The following SHANK2 variants were observed in gnomAD, a reference collection of about 807,000 sequenced individuals.
SHANK2 encodes SH3 and multiple ankyrin repeat domains 2.
In SHANK2, 43 loss-of-function variants were observed where a neutral mutation model predicts 133.7. That is an observed-to-expected ratio of 0.32 (90% CI 0.25 to 0.41). The LOEUF is 0.41. SHANK2 is among the 10% of genes least tolerant of loss of function. SHANK2 has a pLI of 1.00. For missense variants in SHANK2, 1,994 were observed against 2,235.8 expected, an observed-to-expected ratio of 0.89 and a Z score of 2.18; for synonymous variants, 1,017 against 952.8, an observed-to-expected ratio of 1.07 and a Z score of -1.24.
chr11:71,057,828 C>A (rs1259233440), intron 9 of SHANK2, among the ~76,000 whole-genome samples: 2 of 150,798 alleles, frequency 1.3e-5, no homozygotes, highest in African/African-American at 4.9e-5. Flanking sequence ...GGATTATAGG[C>A]GTGAACCACC....
intron 14 of SHANK2, among the ~76,000 whole-genome samples, chr11:70,797,890 G>C (rs933856781): frequency 1.8e-4 from 27 of 149,416 alleles, no homozygotes; most frequent in African/African-American, 6.0e-4. Flanking sequence ...TTTTATATAA[G>C]TGGTCTCCTC....
intron 14 of SHANK2, among the ~76,000 whole-genome samples, chr11:70,773,179 C>T (rs1555043242): frequency 6.6e-6 from 1 of 152,194 alleles, no homozygotes; most frequent in East Asian, 1.9e-4. Flanking sequence ...GGCCTGGATG[C>T]CAGTGCACCG....
chr11:70,952,035 T>G (rs1950852259), intron 10 of SHANK2, among the ~76,000 whole-genome samples: 1 of 152,220 alleles, frequency 6.6e-6, no homozygotes, highest in South Asian at 2.1e-4. Context: ...TAGATAGACA[T>G]GAATTTACGG....
intron 3 of SHANK2, among the ~76,000 whole-genome samples, chr11:71,129,466 G>A (rs1210574597): frequency 2.6e-5 from 4 of 152,136 alleles, no homozygotes; most frequent in African/African-American, 4.8e-5. Context: ...TAGGGAAACC[G>A]TCTCTACGAA....
chr11:70,682,119 A>G (rs1005119405), intron 15 of SHANK2, among the ~76,000 whole-genome samples: 12 of 152,200 alleles, frequency 7.9e-5, no homozygotes, highest in African/African-American at 2.7e-4. Flanking sequence ...GCCAGGTTCC[A>G]GGACTGATCC....
At chr11:70,502,731 GCCCGCCCCCA>G in intron 18 of SHANK2, 55 bp downstream of exon 18, 1 of 700,462 alleles carries the variant, frequency 1.4e-6, no homozygotes, top group Non-Finnish European at 2.1e-6. Context: ...CAGCTGTCCT[GCCCGCCCCCA>G]CCCCCCCCCC....
At chr11:71,104,015 C>T (rs782040475) in intron 6 of SHANK2, among the ~76,000 whole-genome samples, 10 of 152,054 alleles carry the variant, frequency 6.6e-5, no homozygotes, top group Non-Finnish European at 1.3e-4. Context: ...TGAGGCCTCC[C>T]CAGAAGCAGA....
chr11:71,124,804 C>A (rs1302102181), intron 3 of SHANK2, among the ~76,000 whole-genome samples: 10 of 152,210 alleles, frequency 6.6e-5, no homozygotes, highest in Admixed American at 5.9e-4. Context: ...CTTTATTGAG[C>A]TTCACAGAGA....
chr11:71,064,993 G>A (rs957768180), intron 9 of SHANK2, among the ~76,000 whole-genome samples: 4 of 152,140 alleles, frequency 2.6e-5, no homozygotes, highest in African/African-American at 4.8e-5. Context: ...AGGTCACCTC[G>A]GGAGTCACTG....
Position 70,502,800 on chromosome 11 carries a change from C to T in SHANK2, c.2193G>A (p.Lys731=). 1 of 1,395,214 alleles carries T rather than the reference C, an allele frequency of 7.2e-7. No individual in the cohort carries two copies. The highest frequency in any genetic ancestry group is 1.6e-5 in the African/African-American group (1 of 60,816). The allele number at this position is 1,395,214 out of a possible 1,614,324, so 86.4% of individuals were successfully genotyped here. The part of the protein sequence containing the change: ...RNLDPDDTAR[K]KAPPPPKRAP... ...TGGGCGATGTGGGGCATGTACCTTT[C>T]TTCCTGGCGGTGTCGTCGGGGTCCA... Residue 731 remains lysine, a synonymous_variant, in exon 18 of 26, where the codon AAG becomes AAA. Coordinates refer to ENST00000601538, the MANE Select transcript of SHANK2 (RefSeq NM_012309.5).
intron 14 of SHANK2, among the ~76,000 whole-genome samples, chr11:70,755,774 G>C (rs1392593505): frequency 6.6e-6 from 1 of 152,238 alleles, no homozygotes; most frequent in Admixed American, 6.5e-5. Flanking sequence ...CAAGAGGGAA[G>C]ACACCGCGCC....
chr11:70,644,556 G>A (rs1404053693), intron 17 of SHANK2, among the ~76,000 whole-genome samples: 1 of 152,246 alleles, frequency 6.6e-6, no homozygotes, highest in African/African-American at 2.4e-5. Context: ...CCCCGGCCAA[G>A]GGCAGGACCA....
chr11:71,170,764 C>T (rs576744941), intron 2 of SHANK2, among the ~76,000 whole-genome samples: 5 of 152,172 alleles, frequency 3.3e-5, no homozygotes, highest in Non-Finnish European at 4.4e-5. Flanking sequence ...GGAGCTGGGA[C>T]GCTCCCAGGT....
rs183196098 is a variant in SHANK2 at position 70,473,504 on chromosome 11, G to A, written c.4980-65C>T. 3 of 1,536,936 alleles carry A rather than the reference G, an allele frequency of 2.0e-6. No homozygotes were observed. In the East Asian group the frequency reaches 6.8e-5, roughly 35 times the overall value. On this transcript the variant is annotated intron_variant, in intron 25 of 25. Coordinates refer to ENST00000601538, the MANE Select transcript of SHANK2 (RefSeq NM_012309.5). This position sits in a 1 kb window ranked among gnomAD's most constrained non-coding sequence, Gnocchi z 5.9. ...CACCGAGTCAGGGCAGCTGGCTGCA[G>A]ATCACCCAGGAAGGCGAGGGAGACG...
chr11:71,165,840 C>T (rs1953133917), intron 2 of SHANK2, among the ~76,000 whole-genome samples: 1 of 152,166 alleles, frequency 6.6e-6, no homozygotes, highest in Non-Finnish European at 1.5e-5. Context: ...CGCTTCCCGG[C>T]TGATCTCACA....
intron 10 of SHANK2, among the ~76,000 whole-genome samples, chr11:70,920,725 G>T (rs1950338004): frequency 6.6e-6 from 1 of 152,210 alleles, no homozygotes; most frequent in South Asian, 2.1e-4. Flanking sequence ...GCAGAGTATT[G>T]CTGGTAAGTG....
intron 17 of SHANK2, among the ~76,000 whole-genome samples, chr11:70,513,856 G>C (rs1295830974): frequency 1.3e-5 from 2 of 152,076 alleles, no homozygotes; most frequent in African/African-American, 4.8e-5. Context: ...GTAGAACAGA[G>C]AGTATTAAGG....
intron 14 of SHANK2, among the ~76,000 whole-genome samples, chr11:70,735,382 C>T (rs1555033271): frequency 6.6e-6 from 1 of 152,098 alleles, no homozygotes; most frequent in South Asian, 2.1e-4. Context: ...TCCTGGGGTC[C>T]CGCAAGCCAG....
chr11:71,075,620 G>A (rs1191679990), intron 8 of SHANK2, among the ~76,000 whole-genome samples: 1 of 152,202 alleles, frequency 6.6e-6, no homozygotes, highest in African/African-American at 2.4e-5. Flanking sequence ...CCCATCCTCA[G>A]TGCCCAGCTC....
Sources: allele counts gnomAD v4.1 joint callset (sites outside exome capture counted in the v4.1 genomes callset), GRCh38; gene constraint gnomAD v4.1.1; non-coding constraint Gnocchi (gnomAD v3.1); transcripts MANE v1.5; gene names NCBI Gene and HGNC (gene_info 2026-07-23, HGNC 2026-07-21).